The following XYLT1 variants were observed in gnomAD, a reference collection of about 807,000 sequenced individuals.
The protein encoded by XYLT1 is beta-D-xylosyltransferase 1.
In XYLT1, 36 loss-of-function variants were observed where a neutral mutation model predicts 91.3. The observed-to-expected ratio is 0.39, with a 90% CI of 0.30 to 0.52. XYLT1 has a LOEUF of 0.52. Ranked by LOEUF, XYLT1 falls within the 20% of genes least tolerant of loss-of-function variation. The pLI is 0.68. For missense variants in XYLT1, 1,242 were observed against 1,284.5 expected, an observed-to-expected ratio of 0.97 and a Z score of 0.51; for synonymous variants, 588 against 532.0, an observed-to-expected ratio of 1.11 and a Z score of -1.45.
chr16:17,177,225 C>T (rs978678078), intron 5 of XYLT1, among the ~76,000 whole-genome samples: 6 of 152,158 alleles, frequency 3.9e-5, no homozygotes, highest in Admixed American at 3.3e-4. Context: ...GAGGGCACTC[C>T]AGCCTGCTGC....
intron 10 of XYLT1, among the ~76,000 whole-genome samples, chr16:17,121,761 C>T (rs2030063657): frequency 6.6e-6 from 1 of 152,090 alleles, no homozygotes; most frequent in African/African-American, 2.4e-5. Flanking sequence ...CCAACCCTTG[C>T]CCATGAGTCC....
chr16:17,182,330 T>C (rs1309914998), intron 5 of XYLT1, among the ~76,000 whole-genome samples: 1 of 152,202 alleles, frequency 6.6e-6, no homozygotes, highest in Non-Finnish European at 1.5e-5. Context: ...CCTCTCTTCC[T>C]GGCTTGCAGA....
At chr16:17,311,033 G>A (rs1378587369) in intron 2 of XYLT1, among the ~76,000 whole-genome samples, 4 of 152,124 alleles carry the variant, frequency 2.6e-5, no homozygotes, top group African/African-American at 7.2e-5. Flanking sequence ...CAGCTCACAC[G>A]CATCTTGTTT....
intron 2 of XYLT1, among the ~76,000 whole-genome samples, chr16:17,346,773 CCTT>C (rs1264151921): frequency 6.6e-6 from 1 of 152,118 alleles, no homozygotes; most frequent in Non-Finnish European, 1.5e-5. Context: ...GCTGGAAGTT[CCTT>C]CTTCTAGCAT....
At chr16:17,377,604 T>A (rs761787571) in intron 1 of XYLT1, among the ~76,000 whole-genome samples, 1 of 151,642 alleles carries the variant, frequency 6.6e-6, no homozygotes, top group Non-Finnish European at 1.5e-5. Flanking sequence ...CGACCCTGCC[T>A]TCCATGGAAT....
chr16:17,468,232 G>C (rs2036926076), intron 1 of XYLT1, among the ~76,000 whole-genome samples: 1 of 152,078 alleles, frequency 6.6e-6, no homozygotes, highest in Non-Finnish European at 1.5e-5. Context: ...TGTGATTTCA[G>C]GATTTAGCAG....
intron 1 of XYLT1, among the ~76,000 whole-genome samples, chr16:17,468,753 C>G (rs1382559286): frequency 6.6e-6 from 1 of 152,168 alleles, no homozygotes; most frequent in Non-Finnish European, 1.5e-5. Context: ...TGAACCCACT[C>G]TGACCCCCAG....
Position 17,163,709 on chromosome 16 carries a change from G to A in XYLT1, c.1290-4800C>T, listed in dbSNP as rs1181633793. The stretch of plus-strand genomic sequence containing the variant: ...TGCACAGAGCCCAGGGGACACTGGA[G>A]TAAGTCCTCCTGGACTGCAATGAAC... On this transcript the variant is annotated intron_variant, in intron 5 of 11. Coordinates refer to ENST00000261381, the MANE Select transcript of XYLT1 (RefSeq NM_022166.4). 9.2e-5 allele frequency among the ~76,000 whole-genome samples: 14 copies of A among 152,322 alleles called. No individual in the cohort carries two copies. In the East Asian group the frequency reaches 2.3e-3, roughly 25 times the overall value.
chr16:17,201,524 C>T (rs542345936), intron 3 of XYLT1, among the ~76,000 whole-genome samples: 30 of 149,502 alleles, frequency 2.0e-4, no homozygotes, highest in Admixed American at 1.7e-3. Flanking sequence ...GCCCAGGCTG[C>T]AGTGCAGTGG....
intron 5 of XYLT1, among the ~76,000 whole-genome samples, chr16:17,186,687 G>A (rs1597177415): frequency 1.3e-5 from 2 of 152,206 alleles, no homozygotes; most frequent in Admixed American, 1.3e-4. Flanking sequence ...CTTGTGGCAG[G>A]GATGGTGTCT....
chr16:17,401,711 A>ATT (rs2035971112), intron 1 of XYLT1, among the ~76,000 whole-genome samples: 1 of 151,738 alleles, frequency 6.6e-6, no homozygotes, highest in Admixed American at 6.6e-5. Flanking sequence ...TATGGTTATT[A>ATT]TTATTATTAT....
intron 1 of XYLT1, among the ~76,000 whole-genome samples, chr16:17,430,269 C>T (rs1333605264): frequency 2.0e-5 from 3 of 152,194 alleles, no homozygotes; most frequent in South Asian, 2.1e-4. Context: ...GAATCTAGAA[C>T]GTTTTGAGTA....
chr16:17,271,564 A>T (rs542286686), intron 2 of XYLT1, among the ~76,000 whole-genome samples: 25 of 152,292 alleles, frequency 1.6e-4, no homozygotes, highest in African/African-American at 5.8e-4. Context: ...TCTCAAGGAC[A>T]GCGCTGTTGA....
intron 1 of XYLT1, among the ~76,000 whole-genome samples, chr16:17,415,062 C>T (rs552949289): frequency 4.7e-4 from 72 of 152,250 alleles, no homozygotes; most frequent in African/African-American, 1.6e-3. Flanking sequence ...CCAAAAACCA[C>T]CCTCACAGGG....
intron 3 of XYLT1, among the ~76,000 whole-genome samples, chr16:17,244,179 G>A (rs1450313747): frequency 2.6e-5 from 4 of 152,142 alleles, no homozygotes; most frequent in African/African-American, 7.2e-5. Flanking sequence ...GCTTCTCAAA[G>A]TGTAGTTCTG....
At chr16:17,177,352 C>T (rs1413432146) in intron 5 of XYLT1, among the ~76,000 whole-genome samples, 1 of 152,108 alleles carries the variant, frequency 6.6e-6, no homozygotes, top group Non-Finnish European at 1.5e-5. Flanking sequence ...GGAAGCTTTC[C>T]CTGGTCCTTT....
intron 1 of XYLT1, among the ~76,000 whole-genome samples, chr16:17,372,801 G>A (rs974042373): frequency 1.3e-5 from 2 of 151,978 alleles, no homozygotes; most frequent in South Asian, 2.1e-4. Flanking sequence ...CCTCATATGC[G>A]AAGTAGGAAT....
intron 5 of XYLT1, among the ~76,000 whole-genome samples, chr16:17,186,361 C>T (rs1410627880): frequency 6.6e-6 from 1 of 152,158 alleles, no homozygotes; most frequent in East Asian, 1.9e-4. Context: ...CCTTGGCCTC[C>T]CAAAGGGCTG....
At chr16:17,344,442 G>A (rs1222996575) in intron 2 of XYLT1, among the ~76,000 whole-genome samples, 8 of 147,716 alleles carry the variant, frequency 5.4e-5, no homozygotes, top group African/African-American at 1.5e-4. Flanking sequence ...GCAGTGAGCC[G>A]AGATCACGCC....
Sources: allele counts gnomAD v4.1 joint callset (sites outside exome capture counted in the v4.1 genomes callset), GRCh38; gene constraint gnomAD v4.1.1; transcripts MANE v1.5; gene names NCBI Gene and HGNC (gene_info 2026-07-23, HGNC 2026-07-21).